Variants in DCDC1 observed in about 807,000 individuals in gnomAD.
DCDC1 encodes doublecortin domain containing 1.
DCDC1 carries 200 observed loss-of-function variants against 178.3 expected under a neutral mutation model. That is an observed-to-expected ratio of 1.12 (90% confidence interval 1.00 to 1.26). The LOEUF (loss-of-function observed/expected upper bound fraction) is 1.26. Among genes scored for constraint, DCDC1 ranks in the 50% most tolerant of loss-of-function variants. The pLI is 0.00. For missense variants in DCDC1, 1,983 were observed against 1,749.2 expected (o/e 1.13, Z -2.38); for synonymous variants, 690 against 604.8 (o/e 1.14, Z -2.07).
chr11:30,900,552 G>A, intron 32 of DCDC1, 54 bp from the exon 33 acceptor site: 1 of 1,347,312 alleles, frequency 7.4e-7, no homozygotes, highest in Non-Finnish European at 9.7e-7. Flanking sequence ...GAATAAATTT[G>A]TTTTCTGAAT....
rs1397187168 is a variant in DCDC1, at chr11:31,112,732, GT to G, written c.1486-2372del. Among the ~76,000 whole-genome samples, 5 of 152,278 alleles carry G rather than the reference GT, an allele frequency of 3.3e-5. No homozygotes were observed. In the East Asian group the frequency reaches 9.7e-4, roughly 29 times the overall value. On this transcript the variant is annotated intron_variant, in intron 11 of 38. Transcript: ENST00000684477. ...ACAAAGTACAGAGTTTCAAGAGAGT[GT>G]TTTTTATGCACCACAGTCTTTTTAC...
intron 1 of DCDC1, among the ~76,000 whole-genome samples, chr11:31,339,326 C>T (rs1248905002): frequency 2.6e-5 from 4 of 152,146 alleles, no homozygotes; most frequent in Non-Finnish European, 4.4e-5. Flanking sequence ...AACGCAAGGG[C>T]ACATTATCAA....
At chr11:31,362,200 C>G (rs1027099734) in intron 1 of DCDC1, among the ~76,000 whole-genome samples, 2 of 152,104 alleles carry the variant, frequency 1.3e-5, no homozygotes, top group African/African-American at 4.8e-5. Context: ...GTACACTGTA[C>G]TATGGAATAA....
At chr11:31,361,837 C>T (rs1216777401) in intron 1 of DCDC1, among the ~76,000 whole-genome samples, 1 of 152,152 alleles carries the variant, frequency 6.6e-6, no homozygotes, top group East Asian at 1.9e-4. Context: ...AGTTTCTGGA[C>T]CAGCATTTGC....
intron 36 of DCDC1, among the ~76,000 whole-genome samples, 175 bp from the exon 37 acceptor site, chr11:30,881,483 G>A (rs896982321): frequency 7.2e-5 from 11 of 152,198 alleles, no homozygotes; most frequent in Non-Finnish European, 1.3e-4. Flanking sequence ...GTTCCCTAAA[G>A]TGCTTAAACA....
chr11:31,121,798 A>ATT (rs1324183456), intron 11 of DCDC1, among the ~76,000 whole-genome samples: 2 of 152,072 alleles, frequency 1.3e-5, no homozygotes, highest in Non-Finnish European at 2.9e-5. Flanking sequence ...TCATGAAATG[A>ATT]AGTTTAGAAA....
chr11:31,206,224 C>T (rs1335881512), intron 9 of DCDC1, among the ~76,000 whole-genome samples: 2 of 152,150 alleles, frequency 1.3e-5, no homozygotes, highest in Admixed American at 1.3e-4. Flanking sequence ...AAAAGTATAA[C>T]TTTACACCCT....
At chr11:31,221,395 G>A (rs1377854341) in intron 9 of DCDC1, among the ~76,000 whole-genome samples, 2 of 152,196 alleles carry the variant, frequency 1.3e-5, no homozygotes, top group Non-Finnish European at 2.9e-5. Context: ...GTGGTGACAT[G>A]TCCCAAACAA....
intron 1 of DCDC1, among the ~76,000 whole-genome samples, chr11:31,348,210 T>G (rs1257515044): frequency 6.6e-6 from 1 of 152,212 alleles, no homozygotes; most frequent in Admixed American, 6.5e-5. Context: ...ACAAATTTCA[T>G]CATCTCATTT....
chr11:31,025,668 C>T (rs924278561), intron 20 of DCDC1, among the ~76,000 whole-genome samples: 11 of 151,686 alleles, frequency 7.3e-5, no homozygotes, highest in Non-Finnish European at 1.6e-4. Context: ...TTTATACCTG[C>T]TTGAGTAAGT....
intron 17 of DCDC1, among the ~76,000 whole-genome samples, chr11:31,082,658 C>T (rs9666967): frequency 6.6e-6 from 1 of 151,516 alleles, no homozygotes; most frequent in Non-Finnish European, 1.5e-5. Flanking sequence ...TATATATGTG[C>T]ATAATACATT....
intron 20 of DCDC1, among the ~76,000 whole-genome samples, chr11:30,986,114 C>T (rs1019407504): frequency 6.6e-6 from 1 of 152,068 alleles, no homozygotes; most frequent in Non-Finnish European, 1.5e-5. Context: ...AAACCCAAAG[C>T]ATGTCTTCTT....
chr11:31,331,738 G>A (rs187543614), intron 2 of DCDC1, among the ~76,000 whole-genome samples: 6 of 152,232 alleles, frequency 3.9e-5, no homozygotes, highest in South Asian at 2.1e-4. Context: ...CTACTTGATC[G>A]TGGTGGATAA....
intron 20 of DCDC1, among the ~76,000 whole-genome samples, chr11:30,990,447 C>T (rs185646551): frequency 1.2e-3 from 181 of 152,144 alleles, no homozygotes; most frequent in Non-Finnish European, 1.7e-3. Flanking sequence ...ACCCACAGGA[C>T]AGGTAAGAAC....
intron 21 of DCDC1, among the ~76,000 whole-genome samples, chr11:30,945,237 G>C (rs987395482): frequency 2.6e-5 from 4 of 151,762 alleles, no homozygotes; most frequent in Non-Finnish European, 5.9e-5. Flanking sequence ...AAAGTGCTGG[G>C]ATTATAGGTG....
Position 31,306,405 on chromosome 11 carries a change from A to AG in DCDC1, c.435-18_435-17insC. The AG allele has an allele frequency of 1.3e-6, 2 of 1,574,144 alleles. No individual in the cohort carries two copies. The highest frequency in any genetic ancestry group is 1.7e-6 in the Non-Finnish European group (2 of 1,166,416). On this transcript the variant is annotated splice_polypyrimidine_tract_variant and intron_variant, in intron 4 of 38. Coordinates refer to ENST00000684477, the MANE Select transcript of DCDC1 (RefSeq NM_001387274.1). ...TCTGCAACCCTGAAGAAAAAGAAAAACAGAAAAATTGATGCATGCTAATTA... is the reference window on the plus strand; with the variant it reads ...TCTGCAACCCTGAAGAAAAAGAAAAAGCAGAAAAATTGATGCATGCTAATTA...
chr11:31,008,388 A>G (rs868388405), intron 20 of DCDC1, among the ~76,000 whole-genome samples: 79 of 152,090 alleles, frequency 5.2e-4, no homozygotes, highest in African/African-American at 1.8e-3. Context: ...TAAAATATGG[A>G]GGGTAGTGAG....
chr11:31,027,432 CTCTT>C (rs769303062), intron 20 of DCDC1, among the ~76,000 whole-genome samples: 7 of 151,848 alleles, frequency 4.6e-5, no homozygotes, highest in Non-Finnish European at 1.0e-4. Context: ...TTAATGGTAA[CTCTT>C]TGTCATGCAG....
chr11:31,006,872 G>A (rs1407260), intron 20 of DCDC1, among the ~76,000 whole-genome samples: 1 of 152,108 alleles, frequency 6.6e-6, no homozygotes, highest in Non-Finnish European at 1.5e-5. Flanking sequence ...TATGGTAGAA[G>A]AAAAAATATA....
Sources: allele counts gnomAD v4.1 joint callset (sites outside exome capture counted in the v4.1 genomes callset), GRCh38; gene constraint gnomAD v4.1.1; transcripts MANE v1.5; gene names NCBI Gene and HGNC (gene_info 2026-07-23, HGNC 2026-07-21).